The following SCIN variants were observed in gnomAD, a reference collection of about 807,000 sequenced individuals.
SCIN encodes the protein scinderin.
A neutral mutation model predicts 91.8 loss-of-function variants in SCIN; 91 were observed. The observed-to-expected ratio is 0.99, with a 90% CI of 0.84 to 1.18. The LOEUF is 1.18. Among genes scored for constraint, SCIN ranks in the 50% most tolerant of loss-of-function variants. The pLI is 0.00. For synonymous variants in SCIN, 367 were observed against 312.6 expected, an observed-to-expected ratio of 1.17 and a Z score of -1.84; for missense variants, 1,087 against 863.9, an observed-to-expected ratio of 1.26 and a Z score of -3.24.
chr7:12,582,264 A>C (rs568875156), intron 3 of SCIN, among the ~76,000 whole-genome samples: 1 of 152,352 alleles, frequency 6.6e-6, no homozygotes, highest in East Asian at 1.9e-4. Flanking sequence ...GGGATAAAGC[A>C]GTAGACAGAA....
chr7:12,640,811 G>C (rs914686392), intron 11 of SCIN, among the ~76,000 whole-genome samples: 1 of 152,178 alleles, frequency 6.6e-6, no homozygotes, highest in Non-Finnish European at 1.5e-5. Context: ...GCTCCATCTT[G>C]AAAGGCCTTA....
At position 12,598,900 on chromosome 7, in the gene SCIN, T is replaced by G. The variant is rs917552641; in HGVS notation, c.517-5614T>G. On this transcript the variant is annotated intron_variant, in intron 3 of 15. Transcript: ENST00000297029. Reference sequence around the variant, plus strand: ...TCCAGCCTAGGTGACAAAGCCAGACTCTGTCTCAAAAAAAAAGAGAGAGAG... The same window carrying G: ...TCCAGCCTAGGTGACAAAGCCAGACGCTGTCTCAAAAAAAAAGAGAGAGAG... Among the ~76,000 whole-genome samples, 42 of 151,882 alleles carry G rather than the reference T, an allele frequency of 2.8e-4. 1 individual carries two copies. Among genetic ancestry groups the G allele is most frequent in the Admixed American group, 2.6e-3 (39 of 15,242 alleles).
intron 4 of SCIN, among the ~76,000 whole-genome samples, chr7:12,612,921 T>A (rs1193877142): frequency 6.6e-6 from 1 of 152,182 alleles, no homozygotes; most frequent in Non-Finnish European, 1.5e-5. Flanking sequence ...GTACCACTGT[T>A]ATATTAATCA....
At position 12,657,184 on chromosome 7, in the gene SCIN, C is replaced by T. The variant is rs1182883142; in HGVS notation, c.*4469C>T. On this transcript the variant is annotated 3_prime_UTR_variant, in exon 16 of 16. Transcript: ENST00000297029. ...GGTGTGTACCCAACAAAAATGCATA[C>T]ATGTGTGTACTAAAGGATATAATAT... 1.4e-5 allele frequency: 2 copies of T among 146,610 alleles called. No homozygotes were observed. Among genetic ancestry groups the T allele is most frequent in the Non-Finnish European group, 3.0e-5 (2 of 67,070 alleles). 9.1% of individuals were successfully genotyped at this position (146,610 alleles called of 1,614,324 possible).
At position 12,651,592 on chromosome 7, in the gene SCIN, T is replaced by C. The variant is rs749202367; in HGVS notation, c.1960-249T>C. Among the ~76,000 whole-genome samples the C allele has an allele frequency of 6.6e-6, 1 of 151,900 alleles. No homozygotes were observed. The highest frequency in any genetic ancestry group is 1.5e-5 in the Non-Finnish European group (1 of 67,994). ...TCACTTTACAAACTAGAAAGTACCA[T>C]GTAAACATAAAATATCCAAGTGTGA... On this transcript the variant is annotated intron_variant, in intron 14 of 15. Transcript: ENST00000297029. The surrounding 1 kb of genome is among the most constrained non-coding windows in gnomAD (Gnocchi z 5.9).
At chr7:12,619,906 G>T (rs1783372744) in intron 4 of SCIN, among the ~76,000 whole-genome samples, 1 of 151,978 alleles carries the variant, frequency 6.6e-6, no homozygotes, top group African/African-American at 2.4e-5. Context: ...AGTAACACAG[G>T]TGTTACTTGA....
chr7:12,601,242 T>C (rs1782952158), intron 3 of SCIN, among the ~76,000 whole-genome samples: 1 of 152,158 alleles, frequency 6.6e-6, no homozygotes, highest in Non-Finnish European at 1.5e-5. Context: ...GCCTACTTTG[T>C]TCAGAATGGT....
chr7:12,655,718 A>G lies in SCIN; in HGVS notation c.*3003A>G, dbSNP rs1042845362. On this transcript the variant is annotated 3_prime_UTR_variant, in exon 16 of 16. Transcript: ENST00000297029. ...TTACTTTTGTAAACATACACAAAAA[A>G]TATTATATATTTGCCAAACGTATGT... 9.9e-5 allele frequency: 15 copies of G among 152,228 alleles called. No homozygotes were observed. Among genetic ancestry groups the G allele is most frequent in the African/African-American group, 3.6e-4 (15 of 41,444 alleles). 9.4% of individuals were successfully genotyped at this position (152,228 alleles called of 1,614,324 possible). A position where few individuals can be genotyped will look rare whatever the true frequency, so the allele number is the denominator to read the frequency against.
At chr7:12,574,484 A>G (rs768418364) in intron 1 of SCIN, among the ~76,000 whole-genome samples, 4 of 152,256 alleles carry the variant, frequency 2.6e-5, no homozygotes, top group Non-Finnish European at 5.9e-5. Context: ...CAGATGTATG[A>G]ATTTACACAT....
In SCIN at chr7:12,636,140, G is replaced by T; in HGVS notation, c.1410+5G>T. The stretch of plus-strand genomic sequence containing the variant: ...CTTGGAGGACAGGCTGTGCAGGTTG[G>T]GATATTTTTACCCCCAAAACTCACA... On this transcript the variant is annotated splice_donor_5th_base_variant and intron_variant, in intron 10 of 15. Coordinates refer to ENST00000297029, the MANE Select transcript of SCIN (RefSeq NM_001112706.3). 1 of 1,608,218 alleles carries T rather than the reference G, an allele frequency of 6.2e-7. No individual in the cohort carries two copies. The highest frequency in any genetic ancestry group is 1.1e-5 in the South Asian group (1 of 89,846).
intron 13 of SCIN, among the ~76,000 whole-genome samples, chr7:12,647,132 A>G (rs777420470): frequency 6.6e-6 from 1 of 152,182 alleles, no homozygotes; most frequent in East Asian, 1.9e-4. Flanking sequence ...AGAAAAATGT[A>G]TTTTACAAAA....
intron 8 of SCIN, among the ~76,000 whole-genome samples, chr7:12,628,877 C>T (rs1783585335): frequency 6.6e-6 from 1 of 152,020 alleles, no homozygotes; most frequent in African/African-American, 2.4e-5. Context: ...GGGCTCGGAA[C>T]TGAGCTTAAT....
intron 7 of SCIN, chr7:12,626,071 A>T (rs1320744117): frequency 2.1e-6 from 1 of 485,334 alleles, no homozygotes; most frequent in Non-Finnish European, 3.6e-6. Flanking sequence ...CTGCCCATTC[A>T]CTTCCTCCAC....
At chr7:12,630,399 GT>G (rs1156419986) in intron 9 of SCIN, among the ~76,000 whole-genome samples, 1 of 152,192 alleles carries the variant, frequency 6.6e-6, no homozygotes, top group Non-Finnish European at 1.5e-5. Context: ...TCAGGCAGTG[GT>G]TTAGAACACT....
In SCIN at chr7:12,659,422, A is replaced by G. The variant is rs1325641466; in HGVS notation, c.*6707A>G. The G allele has an allele frequency of 6.6e-6, 1 of 152,208 alleles. No homozygotes were observed. Among genetic ancestry groups the G allele is most frequent in the East Asian group, 1.9e-4 (1 of 5,198 alleles). 9.4% of individuals were successfully genotyped at this position (152,208 alleles called of 1,614,324 possible). On this transcript the variant is annotated 3_prime_UTR_variant, in exon 16 of 16. Transcript: ENST00000297029. ...AATCAGGTAGCTAGATTTGTCCATG[A>G]AAGCAGGAGATTCCCTTAACTGGTG...
rs1354209925 is a variant in SCIN at position 12,659,284 on chromosome 7, A to G, written c.*6569A>G. 1.3e-5 allele frequency: 2 copies of G among 152,180 alleles called. No homozygotes were observed. The highest frequency in any genetic ancestry group is 2.9e-5 in the Non-Finnish European group (2 of 68,050). 9.4% of individuals were successfully genotyped at this position (152,180 alleles called of 1,614,324 possible). On this transcript the variant is annotated 3_prime_UTR_variant, in exon 16 of 16. Coordinates refer to ENST00000297029, the MANE Select transcript of SCIN (RefSeq NM_001112706.3). ...TTTATGTTTTTTAAAAGCACCATTT[A>G]CCACCCATTTGTCTATGGACTTAAT...
At chr7:12,626,160 T>G (rs1264817129) in intron 7 of SCIN, 2 of 334,382 alleles carry the variant, frequency 6.0e-6, no homozygotes, top group Non-Finnish European at 5.4e-6. Flanking sequence ...GAGCAAGTTG[T>G]GCAGACTTGG....
chr7:12,587,453 C>T (rs1241789425), intron 3 of SCIN, among the ~76,000 whole-genome samples: 2 of 152,200 alleles, frequency 1.3e-5, no homozygotes, highest in Admixed American at 1.3e-4. Context: ...AATTCTTGAG[C>T]TTTCGGCTTT....
At chr7:12,632,712 C>A (rs1381231868) in intron 9 of SCIN, among the ~76,000 whole-genome samples, 1 of 152,050 alleles carries the variant, frequency 6.6e-6, no homozygotes, top group African/African-American at 2.4e-5. Context: ...GTTTTATTTC[C>A]TGAGATTAAA....
Sources: gnomAD v4.1 joint callset for allele counts (sites outside exome capture counted in the v4.1 genomes callset) on GRCh38, gnomAD v4.1.1 for gene constraint, Gnocchi (gnomAD v3.1) non-coding constraint, MANE v1.5 for transcripts, NCBI Gene and HGNC (gene_info 2026-07-23, HGNC 2026-07-21) for gene names.